The following ZBTB10 variants were observed in gnomAD, a reference collection of about 807,000 sequenced individuals.
ZBTB10 encodes the protein zinc finger and BTB domain containing 10.
A neutral mutation model predicts 76.4 loss-of-function variants in ZBTB10; 32 were observed. That is an observed-to-expected ratio of 0.42 (90% CI 0.32 to 0.56). The LOEUF is 0.56. ZBTB10 is among the 20% of genes least tolerant of loss of function. The probability of loss-of-function intolerance (pLI) is 0.14; values close to 1 mark genes in which losing one functional copy is unlikely to be tolerated. For synonymous variants in ZBTB10, 523 were observed against 432.9 expected (o/e 1.21, Z -2.58); for missense variants, 1,057 against 1,098.5 (o/e 0.96, Z 0.53).
chr8:80,511,912 C>T (rs956985431), intron 2 of ZBTB10, among the ~76,000 whole-genome samples: 3 of 151,908 alleles, frequency 2.0e-5, no homozygotes, highest in Admixed American at 1.3e-4. Flanking sequence ...GCATGGCAAA[C>T]GATATTTTTA....
intron 3 of ZBTB10, among the ~76,000 whole-genome samples, chr8:80,516,609 A>G (rs1228044193): frequency 6.6e-6 from 1 of 152,256 alleles, no homozygotes; most frequent in Non-Finnish European, 1.5e-5. Flanking sequence ...AGGTGCAGCT[A>G]TAATGAGTTA....
At chr8:80,513,858 G>T in intron 2 of ZBTB10, 52 bp from the exon 3 acceptor site, 1 of 1,424,814 alleles carries the variant, frequency 7.0e-7, no homozygotes, top group Non-Finnish European at 9.8e-7. Context: ...GGTGTTTTGG[G>T]TGGTGGCTAT....
chr8:80,487,808 T>A, intron 1 of ZBTB10, 26 bp downstream of exon 1: 1 of 1,522,872 alleles, frequency 6.6e-7, no homozygotes, highest in Non-Finnish European at 8.8e-7. Context: ...CTCCTACTTT[T>A]TTGAGATCTT....
In ZBTB10 at chr8:80,523,098, T is replaced by A. The variant is rs1816481648; in HGVS notation, c.*3570T>A. The A allele has an allele frequency of 6.6e-6, 1 of 151,806 alleles. No individual in the cohort carries two copies. The highest frequency in any genetic ancestry group is 1.5e-5 in the Non-Finnish European group (1 of 67,830). The allele number at this position is 151,806 out of a possible 1,614,324, so 9.4% of individuals were successfully genotyped here. On this transcript the variant is annotated 3_prime_UTR_variant, in exon 6 of 6. Coordinates refer to ENST00000455036, the MANE Select transcript of ZBTB10 (RefSeq NM_001105539.3). ...TACATGATTTTACCTTAATCCTCTATAAGGTAGGTGCTAATTGTCTCCATT... is the reference window on the plus strand; with the variant it reads ...TACATGATTTTACCTTAATCCTCTAAAAGGTAGGTGCTAATTGTCTCCATT...
At position 80,513,269 on chromosome 8, in the gene ZBTB10, A is replaced by G. The variant is rs565831682; in HGVS notation, c.1862-641A>G. Among the ~76,000 whole-genome samples, 27 of 152,178 alleles carry G rather than the reference A, an allele frequency of 1.8e-4. No homozygotes were observed. In the South Asian group the frequency reaches 4.6e-3, roughly 26 times the overall value. ...CGGATCCTCCCACCTCAGCCTCCCA[A>G]GTAGCTGGGACTACAGGTGTGTGCC... On this transcript the variant is annotated intron_variant, in intron 2 of 5. Coordinates refer to ENST00000455036, the MANE Select transcript of ZBTB10 (RefSeq NM_001105539.3).
chr8:80,507,767 T>G (rs1816097044), intron 2 of ZBTB10, among the ~76,000 whole-genome samples: 1 of 152,154 alleles, frequency 6.6e-6, no homozygotes, highest in Non-Finnish European at 1.5e-5. Flanking sequence ...GGCTAATTTT[T>G]TTTAGATTTT....
At position 80,524,324 on chromosome 8, in the gene ZBTB10, CAG is replaced by C. The variant is rs1180196183; in HGVS notation, c.*4797_*4798del. 2.0e-5 allele frequency: 3 copies of C among 152,014 alleles called. No homozygotes were observed. The highest frequency in any genetic ancestry group is 4.8e-5 in the African/African-American group (2 of 41,424). The allele number at this position is 152,014 out of a possible 1,614,324, so 9.4% of individuals were successfully genotyped here. On this transcript the variant is annotated 3_prime_UTR_variant, in exon 6 of 6. Coordinates refer to ENST00000455036, the MANE Select transcript of ZBTB10 (RefSeq NM_001105539.3). ...TTAATTAATAGCAGTGATTTGTAAT[CAG>C]TGTATCTTTTAAGATTCTCTACAGG...
intron 1 of ZBTB10, among the ~76,000 whole-genome samples, chr8:80,492,766 G>C (rs140944533): frequency 6.6e-6 from 1 of 151,996 alleles, no homozygotes; most frequent in Non-Finnish European, 1.5e-5. Flanking sequence ...CGTGAGTCAC[G>C]CACCCGGCCT....
At chr8:80,490,074 C>T (rs1277843564) in intron 1 of ZBTB10, among the ~76,000 whole-genome samples, 1 of 152,092 alleles carries the variant, frequency 6.6e-6, no homozygotes, top group Non-Finnish European at 1.5e-5. Flanking sequence ...CTCCAATTAC[C>T]TATAGGAGGC....
At chr8:80,498,676 T>C (rs187938180) in intron 1 of ZBTB10, among the ~76,000 whole-genome samples, 4 of 152,364 alleles carry the variant, frequency 2.6e-5, no homozygotes, top group Non-Finnish European at 4.4e-5. Flanking sequence ...ACGCAGTTAA[T>C]GGCTGATACA....
intron 1 of ZBTB10, 62 bp downstream of exon 1, chr8:80,487,844 C>A (rs1815519112): frequency 6.7e-6 from 10 of 1,490,984 alleles, no homozygotes; most frequent in South Asian, 2.7e-5. Context: ...TCAGCACTCC[C>A]TTCACCCCCA....
intron 2 of ZBTB10, among the ~76,000 whole-genome samples, chr8:80,502,686 T>A (rs923648294): frequency 3.3e-5 from 5 of 151,470 alleles, no homozygotes; most frequent in Non-Finnish European, 7.4e-5. Flanking sequence ...GGGTATATAA[T>A]ATGATATAGA....
rs188430655 is a variant in ZBTB10, at chr8:80,520,191, T to C, written c.*663T>C. On this transcript the variant is annotated 3_prime_UTR_variant, in exon 6 of 6. Coordinates refer to ENST00000455036, the MANE Select transcript of ZBTB10 (RefSeq NM_001105539.3). ...GGAATGAACTAACTGACTTCCTCCA[T>C]TCCCCTCTTCCTTTTTGACATGAAT... is the stretch of plus-strand genomic sequence containing the variant. The C allele has an allele frequency of 6.6e-6, 1 of 152,506 alleles. No homozygotes were observed. Among genetic ancestry groups the C allele is most frequent in the African/African-American group, 2.4e-5 (1 of 41,436 alleles). 9.4% of individuals were successfully genotyped at this position (152,506 alleles called of 1,614,324 possible).
rs573842562 is a variant in ZBTB10 at position 80,486,950 on chromosome 8, C to T, written c.140C>T (p.Pro47Leu). The T allele has an allele frequency of 4.6e-3, 6,952 of 1,514,066 alleles. 25 individuals carry two copies. The highest frequency in any genetic ancestry group is 5.4e-3 in the Non-Finnish European group (6,099 of 1,135,756). The allele number at this position is 1,514,066 out of a possible 1,614,324, so 93.8% of individuals were successfully genotyped here. A position where few individuals can be genotyped will look rare whatever the true frequency, so the allele number is the denominator to read the frequency against. Residue 47 changes from proline (P) to leucine (L), a missense_variant, in exon 1 of 6, where the codon CCC becomes CTC. Transcript: ENST00000455036. Reference protein sequence around the residue: ...AWPPQPQPRQPPPPAPPALQP... With the variant: ...AWPPQPQPRQLPPPAPPALQP... Reference sequence around the variant, plus strand: ...CCTCCGCAGCCCCAGCCGAGACAGCCCCCGCCGCCAGCGCCGCCCGCGCTT... The same window carrying T: ...CCTCCGCAGCCCCAGCCGAGACAGCTCCCGCCGCCAGCGCCGCCCGCGCTT...
chr8:80,515,793 G>T lies in ZBTB10; in HGVS notation c.1960+1785G>T, dbSNP rs1365575. 2.2e-4 allele frequency among the ~76,000 whole-genome samples: 33 copies of T among 152,174 alleles called. 2 individuals are homozygous for T. The East Asian group carries it at 6.2e-3, about 28-fold the overall frequency. On this transcript the variant is annotated intron_variant, in intron 3 of 5. Coordinates refer to ENST00000455036, the MANE Select transcript of ZBTB10 (RefSeq NM_001105539.3). ...GCTTTTTCCTTAGTTTTCTATTGTG[G>T]AATAATGTACCCAGAAGGATATTAT...
At chr8:80,500,433 G>T in intron 2 of ZBTB10, 51 bp downstream of exon 2, 1 of 1,410,862 alleles carries the variant, frequency 7.1e-7, no homozygotes, top group South Asian at 1.7e-5. Flanking sequence ...AATTCTAGTT[G>T]GATATAATCT....
Position 80,486,928 on chromosome 8 carries a change from C to G in ZBTB10, c.118C>G (p.Pro40Ala), listed in dbSNP as rs1324027962. The G allele has an allele frequency of 4.0e-6, 6 of 1,509,604 alleles. No individual in the cohort carries two copies. The highest frequency in any genetic ancestry group is 5.3e-6 in the Non-Finnish European group (6 of 1,133,210). 93.5% of individuals were successfully genotyped at this position (1,509,604 alleles called of 1,614,324 possible). Residue 40 changes from proline (P) to alanine (A), a missense_variant, in exon 1 of 6, where the codon CCG becomes GCG. By Grantham distance (27) the Pro-to-Ala change is conservative (BLOSUM62 -1). This residue lies in a region of ZBTB10 where 556 missense variants were observed against 451.7 expected (regional missense o/e 1.23). Coordinates refer to ENST00000455036, the MANE Select transcript of ZBTB10 (RefSeq NM_001105539.3). ...NAGGEASAWP[P>A]QPQPRQPPPP... ...TGGCGGGGAGGCCTCAGCTTGGCCT[C>G]CGCAGCCCCAGCCGAGACAGCCCCC...
At chr8:80,497,102 T>TA (rs1815801919) in intron 1 of ZBTB10, among the ~76,000 whole-genome samples, 1 of 152,230 alleles carries the variant, frequency 6.6e-6, no homozygotes. Context: ...TGTGGAAAGT[T>TA]ACACTGTCCA....
chr8:80,523,032 C>G lies in ZBTB10; in HGVS notation c.*3504C>G, dbSNP rs1382723722. 6.6e-6 allele frequency: 1 copy of G among 151,532 alleles called. No individual in the cohort carries two copies. Among genetic ancestry groups the G allele is most frequent in the Admixed American group, 6.6e-5 (1 of 15,168 alleles). 9.4% of individuals were successfully genotyped at this position (151,532 alleles called of 1,614,324 possible). The stretch of plus-strand genomic sequence containing the variant: ...TCTGAAAAACGATTAAAAAAACTAC[C>G]AATTTTTTTTTTGAGTGCCCACACT... On this transcript the variant is annotated 3_prime_UTR_variant, in exon 6 of 6. Transcript: ENST00000455036.
Sources: gnomAD v4.1 joint callset for allele counts (sites outside exome capture counted in the v4.1 genomes callset) on GRCh38, gnomAD v4.1.1 for gene constraint, gnomAD v4.1.1 regional missense constraint, MANE v1.5 for transcripts, NCBI Gene and HGNC (gene_info 2026-07-23, HGNC 2026-07-21) for gene names.